Variants in CHRM3 observed in about 807,000 individuals in gnomAD.
The protein encoded by CHRM3 is cholinergic receptor muscarinic 3.
A neutral mutation model predicts 41.8 loss-of-function variants in CHRM3; 11 were observed. The observed-to-expected ratio is 0.26, with a 90% CI of 0.17 to 0.44. CHRM3 has a LOEUF of 0.44. Among genes scored for constraint, CHRM3 ranks in the 20% least tolerant of loss-of-function variants. The pLI is 1.00. For synonymous variants in CHRM3, 297 were observed against 301.4 expected (o/e 0.99, Z 0.15); for missense variants, 571 against 745.4 (o/e 0.77, Z 2.72).
At chr1:239,533,731 C>CA (rs61441846) in intron 2 of CHRM3, among the ~76,000 whole-genome samples, 2,699 of 36,450 alleles carry the variant, frequency 0.074, 141 homozygotes, top group African/African-American at 0.2. Context: ...AACTCTGTCT[C>CA]AAAAAAAAAA....
intron 5 of CHRM3, among the ~76,000 whole-genome samples, chr1:239,772,456 T>C (rs1275625479): frequency 2.6e-5 from 4 of 152,146 alleles, no homozygotes; most frequent in Admixed American, 6.5e-5. Flanking sequence ...CAGCCTATAC[T>C]TCCTTGTTAT....
At chr1:239,555,460 C>A (rs1056825525) in intron 3 of CHRM3, among the ~76,000 whole-genome samples, 1 of 152,100 alleles carries the variant, frequency 6.6e-6, no homozygotes, top group Non-Finnish European at 1.5e-5. Context: ...GCTTCAGAGG[C>A]AGGGCTCAGA....
chr1:239,822,840 G>T (rs1423525307), intron 5 of CHRM3, among the ~76,000 whole-genome samples: 1 of 152,188 alleles, frequency 6.6e-6, no homozygotes, highest in Non-Finnish European at 1.5e-5. Flanking sequence ...TGCAACGTTT[G>T]CATCATTACC....
At chr1:239,461,199 GGAGA>G (rs1266268659) in intron 1 of CHRM3, among the ~76,000 whole-genome samples, 1 of 152,106 alleles carries the variant, frequency 6.6e-6, no homozygotes, top group Non-Finnish European at 1.5e-5. Flanking sequence ...CAATGAATAA[GGAGA>G]GATTTATATG....
chr1:239,504,773 G>A (rs1668456222), intron 2 of CHRM3, among the ~76,000 whole-genome samples: 1 of 152,190 alleles, frequency 6.6e-6, no homozygotes, highest in Non-Finnish European at 1.5e-5. Context: ...TGACCTGGAT[G>A]AGATTGGAGA....
intron 5 of CHRM3, among the ~76,000 whole-genome samples, chr1:239,779,080 C>A (rs1016620625): frequency 1.3e-5 from 2 of 152,036 alleles, no homozygotes; most frequent in Non-Finnish European, 2.9e-5. Context: ...TTTTATATTC[C>A]TTTCCTGATG....
At chr1:239,680,415 TCTC>T (rs948663946) in intron 5 of CHRM3, among the ~76,000 whole-genome samples, 23 of 152,072 alleles carry the variant, frequency 1.5e-4, no homozygotes, top group African/African-American at 5.3e-4. Context: ...TGCTTGGTCT[TCTC>T]CTCCCAGAAG....
intron 3 of CHRM3, among the ~76,000 whole-genome samples, chr1:239,550,173 C>T (rs11806655): frequency 0.37 from 56,192 of 151,946 alleles, 12,156 homozygotes; most frequent in East Asian, 0.6. Flanking sequence ...CAGGAGCTTC[C>T]TTGTGCTTAG....
intron 2 of CHRM3, among the ~76,000 whole-genome samples, chr1:239,533,088 T>C (rs908071879): frequency 1.3e-5 from 2 of 152,300 alleles, no homozygotes; most frequent in South Asian, 2.1e-4. Flanking sequence ...TTTTGTCTTT[T>C]TTTTTAGAAC....
rs184804094 is a variant in CHRM3 at position 239,493,668 on chromosome 1, T to A, written c.-422+861T>A. Among the ~76,000 whole-genome samples, 418 of 152,258 alleles carry A rather than the reference T, an allele frequency of 2.7e-3. 2 individuals are homozygous for A. Among genetic ancestry groups the A allele is most frequent in the Admixed American group, 8.4e-3 (129 of 15,272 alleles). On this transcript the variant is annotated intron_variant, in intron 2 of 6. Coordinates refer to ENST00000676153, the MANE Select transcript of CHRM3 (RefSeq NM_001375978.1). The stretch of plus-strand genomic sequence containing the variant: ...GCTCTGACTGAGCAGAAAATTAAAA[T>A]CCCCTACTTGGAACTACCTATAAGG...
intron 1 of CHRM3, among the ~76,000 whole-genome samples, chr1:239,473,430 A>G (rs926982226): frequency 6.6e-6 from 1 of 152,198 alleles, no homozygotes; most frequent in African/African-American, 2.4e-5. Context: ...TAGGCATTTC[A>G]TATAAGTGAT....
chr1:239,824,976 T>C (rs1055008410), intron 5 of CHRM3, among the ~76,000 whole-genome samples: 1 of 152,230 alleles, frequency 6.6e-6, no homozygotes, highest in Admixed American at 6.5e-5. Flanking sequence ...GTGGCAATCA[T>C]CCTTAGCAGT....
chr1:239,710,003 CCA>C (rs1425940417), intron 5 of CHRM3, among the ~76,000 whole-genome samples: 1 of 152,134 alleles, frequency 6.6e-6, no homozygotes. Context: ...TCCACCTATG[CCA>C]AATGAGGAAG....
At chr1:239,773,021 G>C (rs1667814332) in intron 5 of CHRM3, among the ~76,000 whole-genome samples, 1 of 152,148 alleles carries the variant, frequency 6.6e-6, no homozygotes, top group East Asian at 1.9e-4. Flanking sequence ...TCTATACAGA[G>C]GAAGACTTTT....
At chr1:239,743,777 C>CTT (rs992688177) in intron 5 of CHRM3, among the ~76,000 whole-genome samples, 1 of 122,520 alleles carries the variant, frequency 8.2e-6, no homozygotes, top group Non-Finnish European at 1.7e-5. Flanking sequence ...TTTTCTTTTT[C>CTT]TTTTTTTTTT....
At chr1:239,815,286 C>T (rs535267357) in intron 5 of CHRM3, among the ~76,000 whole-genome samples, 22 of 152,218 alleles carry the variant, frequency 1.4e-4, no homozygotes, top group African/African-American at 4.8e-4. Context: ...CAAAATGTAC[C>T]CATTCTCATG....
chr1:239,763,273 A>G (rs1572215325), intron 5 of CHRM3, among the ~76,000 whole-genome samples: 1 of 152,244 alleles, frequency 6.6e-6, no homozygotes, highest in Admixed American at 6.5e-5. Flanking sequence ...ATGGTTATTA[A>G]CATTCACTAG....
chr1:239,758,175 T>C (rs906603472), intron 5 of CHRM3, among the ~76,000 whole-genome samples: 2 of 152,222 alleles, frequency 1.3e-5, no homozygotes, highest in African/African-American at 4.8e-5. Flanking sequence ...TGTAATAAGA[T>C]ACTTTCAAAG....
At chr1:239,538,042 C>T (rs1448766973) in intron 2 of CHRM3, among the ~76,000 whole-genome samples, 1 of 151,762 alleles carries the variant, frequency 6.6e-6, no homozygotes, top group Non-Finnish European at 1.5e-5. Context: ...TGATATTGCT[C>T]CAGCTGAAAA....
Sources: gnomAD v4.1 joint callset for allele counts (sites outside exome capture counted in the v4.1 genomes callset) on GRCh38, gnomAD v4.1.1 for gene constraint, MANE v1.5 for transcripts, NCBI Gene and HGNC (gene_info 2026-07-23, HGNC 2026-07-21) for gene names.